CNTN6: variants seen among roughly 807,000 people sequenced by gnomAD.
The protein encoded by CNTN6 is contactin 6, also known as contactin-6.
A neutral mutation model predicts 122.8 loss-of-function variants in CNTN6; 137 were observed. The ratio of observed to expected loss-of-function variants is 1.12; its 90% CI spans 0.97 to 1.29. CNTN6 has a LOEUF of 1.29. Among genes scored for constraint, CNTN6 ranks in the 50% most tolerant of loss-of-function variants. CNTN6 has a pLI of 0.00. For synonymous variants in CNTN6, 570 were observed against 426.0 expected, an observed-to-expected ratio of 1.34 and a Z score of -4.16; for missense variants, 1,634 against 1,223.4, an observed-to-expected ratio of 1.34 and a Z score of -5.01.
intron 12 of CNTN6, among the ~76,000 whole-genome samples, chr3:1,370,319 A>C (rs753906714): frequency 2.0e-5 from 3 of 152,028 alleles, no homozygotes; most frequent in Non-Finnish European, 4.4e-5. Flanking sequence ...GGACACAGGA[A>C]GGGGAACATC....
chr3:1,344,494 T>C (rs748904195), intron 11 of CNTN6, among the ~76,000 whole-genome samples: 7 of 152,098 alleles, frequency 4.6e-5, no homozygotes, highest in Non-Finnish European at 1.0e-4. Flanking sequence ...AAAGATTTCA[T>C]AAGGTGTGTC....
At chr3:1,298,156 AC>A in intron 7 of CNTN6, 165 bp downstream of exon 7, 1 of 573,476 alleles carries the variant, frequency 1.7e-6, no homozygotes, top group Non-Finnish European at 3.1e-6. Flanking sequence ...CATGTCTAAT[AC>A]TGAGACAATG....
chr3:1,352,548 T>C, intron 12 of CNTN6, 97 bp downstream of exon 12: 6 of 1,429,390 alleles, frequency 4.2e-6, no homozygotes, highest in African/African-American at 1.4e-5. Context: ...ATATTGTGTA[T>C]GTAAAATTGT....
intron 1 of CNTN6, among the ~76,000 whole-genome samples, chr3:1,125,469 A>T (rs146058706): frequency 6.6e-6 from 1 of 151,822 alleles, no homozygotes; most frequent in Non-Finnish European, 1.5e-5. Flanking sequence ...GCAGTGCCCA[A>T]TTTCTGAAGA....
intron 19 of CNTN6, among the ~76,000 whole-genome samples, chr3:1,384,748 CACATATATATACAT>C (rs1411936485): frequency 5.7e-5 from 5 of 87,094 alleles, no homozygotes; most frequent in African/African-American, 3.6e-4. Context: ...TACATATATA[CACATATATATACAT>C]ATATATACAC....
chr3:1,294,448 G>T (rs1320628314), intron 5 of CNTN6, among the ~76,000 whole-genome samples: 1 of 152,072 alleles, frequency 6.6e-6, no homozygotes, highest in East Asian at 1.9e-4. Context: ...AAAAAAACAG[G>T]GGAGGATTTC....
chr3:1,196,463 T>A (rs1410818988), intron 2 of CNTN6, among the ~76,000 whole-genome samples: 2 of 152,196 alleles, frequency 1.3e-5, no homozygotes, highest in Non-Finnish European at 2.9e-5. Flanking sequence ...ATTTTTTTGT[T>A]TTTGTTTTTG....
chr3:1,247,447 A>G (rs1011533301), intron 4 of CNTN6, among the ~76,000 whole-genome samples: 11 of 139,738 alleles, frequency 7.9e-5, no homozygotes, highest in Non-Finnish European at 1.7e-4. Flanking sequence ...AATAGACTAT[A>G]TGGTTTAAAA....
chr3:1,263,967 T>C (rs915181968), intron 4 of CNTN6, among the ~76,000 whole-genome samples: 7 of 150,880 alleles, frequency 4.6e-5, no homozygotes, highest in South Asian at 2.1e-4. Context: ...TGGGGGTAAG[T>C]TTTCAAGCAG....
At chr3:1,284,068 A>G (rs1693939789) in intron 5 of CNTN6, among the ~76,000 whole-genome samples, 1 of 152,174 alleles carries the variant, frequency 6.6e-6, no homozygotes, top group African/African-American at 2.4e-5. Context: ...TAGGTTTAAA[A>G]TTTGATTTAG....
chr3:1,102,447 C>T (rs1042444992), intron 1 of CNTN6, among the ~76,000 whole-genome samples: 3 of 152,184 alleles, frequency 2.0e-5, no homozygotes, highest in Admixed American at 6.5e-5. Flanking sequence ...TAAGAACAGT[C>T]CTGCCGGGCG....
intron 2 of CNTN6, among the ~76,000 whole-genome samples, chr3:1,174,963 G>A (rs181329163): frequency 2.0e-5 from 3 of 152,164 alleles, no homozygotes; most frequent in Admixed American, 6.5e-5. Context: ...TTGGCAGAGT[G>A]TGGTGGGCCA....
chr3:1,154,509 TCTTGGCTCACTGC>T, intron 2 of CNTN6, among the ~76,000 whole-genome samples: 1 of 150,368 alleles, frequency 6.7e-6, no homozygotes, highest in South Asian at 2.1e-4. Context: ...AGTGGCACAA[TCTTGGCTCACTGC>T]AACCTCTGCC....
chr3:1,400,247 T>C (rs1695514321), intron 20 of CNTN6, among the ~76,000 whole-genome samples: 2 of 152,092 alleles, frequency 1.3e-5, no homozygotes, highest in Non-Finnish European at 2.9e-5. Flanking sequence ...TTTATATCTC[T>C]CCAGTTTCAA....
chr3:1,299,139 TG>T (rs1230675699), intron 7 of CNTN6, among the ~76,000 whole-genome samples: 1 of 152,160 alleles, frequency 6.6e-6, no homozygotes, highest in East Asian at 1.9e-4. Context: ...TCATAGAGTA[TG>T]GGTCTCATAG....
At chr3:1,175,567 C>G (rs2125315489) in intron 2 of CNTN6, among the ~76,000 whole-genome samples, 1 of 149,894 alleles carries the variant, frequency 6.7e-6, no homozygotes, top group South Asian at 2.1e-4. Flanking sequence ...TTACAAATTA[C>G]TAAGGATACT....
At chr3:1,354,368 C>CA (rs71056334) in intron 12 of CNTN6, among the ~76,000 whole-genome samples, 16,605 of 121,538 alleles carry the variant, frequency 0.14, 1,029 homozygotes, top group African/African-American at 0.15. Context: ...GCTCAGTTAA[C>CA]AAAAAAAAAA....
intron 2 of CNTN6, among the ~76,000 whole-genome samples, chr3:1,154,633 G>A (rs1342101406): frequency 6.6e-6 from 1 of 151,892 alleles, no homozygotes; most frequent in Non-Finnish European, 1.5e-5. Flanking sequence ...AGTAGAGACG[G>A]GGTTTCTCCA....
intron 2 of CNTN6, among the ~76,000 whole-genome samples, chr3:1,173,856 G>C (rs188990317): frequency 6.6e-6 from 1 of 151,896 alleles, no homozygotes; most frequent in African/African-American, 2.4e-5. Context: ...CTGCACACCA[G>C]AGCAATGATG....
Sources: allele counts gnomAD v4.1 joint callset (sites outside exome capture counted in the v4.1 genomes callset), GRCh38; gene constraint gnomAD v4.1.1; transcripts MANE v1.5; gene names NCBI Gene and HGNC (gene_info 2026-07-23, HGNC 2026-07-21).